Variants in NEU4 observed in about 807,000 individuals in gnomAD.
NEU4 encodes the protein sialidase-4.
In NEU4, 7 loss-of-function variants were observed where a neutral mutation model predicts 9.9. The ratio of observed to expected loss-of-function variants is 0.71; its 90% CI spans 0.40 to 1.33. The LOEUF is 1.33. Among genes scored for constraint, NEU4 ranks in the 40% most tolerant of loss-of-function variants. The pLI, the probability that NEU4 is intolerant of heterozygous loss-of-function variation, is 0.01. For missense variants in NEU4, 717 were observed against 712.6 expected, an observed-to-expected ratio of 1.01 and a Z score of -0.07; for synonymous variants, 348 against 316.9, an observed-to-expected ratio of 1.10 and a Z score of -1.04.
intron 1 of NEU4, chr2:241,811,040 A>C: frequency 1.9e-6 from 2 of 1,078,216 alleles, no homozygotes. Context: ...GCACCCGGGA[A>C]GCCCAGAGGA....
chr2:241,811,481 A>AC (rs759280914), intron 1 of NEU4: 1 of 1,528,750 alleles, frequency 6.5e-7, no homozygotes, highest in Non-Finnish European at 8.9e-7. Context: ...TGCCCTTTGC[A>AC]CCCCCAGCAC....
intron 3 of NEU4, chr2:241,815,630 C>T (rs974774771): frequency 5.3e-5 from 27 of 509,260 alleles, no homozygotes; most frequent in African/African-American, 4.6e-4. Context: ...ACTCCCTTCT[C>T]ACCCTGCCCA....
chr2:241,815,022 AG>A lies in NEU4; in HGVS notation c.334del (p.Ala112ProfsTer211). On this transcript the variant is annotated frameshift_variant, in exon 3 of 4. Coordinates refer to ENST00000407683, the MANE Select transcript of NEU4 (RefSeq NM_001167600.3). LOFTEE classifies it high-confidence loss of function. ...FFIAVLGHTP[E>X]AVQIATGRNA... Reference sequence around the variant, plus strand: ...ATCGCGGTGCTGGGCCACACGCCTGAGGCCGTGCAGATCGCCACGGGAAGGA... The same window carrying A: ...ATCGCGGTGCTGGGCCACACGCCTGAGCCGTGCAGATCGCCACGGGAAGGA... The A allele has an allele frequency of 5.0e-6, 8 of 1,603,036 alleles. No individual in the cohort carries two copies. Among genetic ancestry groups the A allele is most frequent in the Non-Finnish European group, 6.8e-6 (8 of 1,178,620 alleles).
chr2:241,813,521 C>G (rs1285188181), intron 1 of NEU4: 4 of 1,224,404 alleles, frequency 3.3e-6, no homozygotes, highest in Non-Finnish European at 4.2e-6. Context: ...CAGGCAGGTC[C>G]CGCCTGCAAC....
rs372998493 is a variant in NEU4 at position 241,816,076 on chromosome 2, C to T, written c.483C>T (p.Pro161=). ...VQDWATFAVG[P]GHGVQLPSGR... is the part of the protein sequence containing the mutation. ...ACTGGGCCACATTCGCTGTGGGTCC[C>T]GGCCACGGTGTGCAGCTGCCCTCAG... Residue 161 remains proline, a synonymous_variant, in exon 4 of 4, where the codon CCC becomes CCT. Coordinates refer to ENST00000407683, the MANE Select transcript of NEU4 (RefSeq NM_001167600.3). The T allele has an allele frequency of 2.6e-5, 42 of 1,608,026 alleles. No homozygotes were observed. Among genetic ancestry groups the T allele is most frequent in the African/African-American group, 1.9e-4 (14 of 74,816 alleles).
chr2:241,809,619 T>G, intron 1 of NEU4: 1 of 264,468 alleles, frequency 3.8e-6, no homozygotes, highest in Non-Finnish European at 7.4e-6. Flanking sequence ...CCGTGGGCCA[T>G]GGGGTGACAG....
Position 241,816,706 on chromosome 2 carries a change from G to A in NEU4, c.1113G>A (p.Pro371=), listed in dbSNP as rs570038056. Reference sequence around the variant, plus strand: ...CACTCCCCATGCCCTTTGCTGCCCCGCCCCAGAGCCCCACGTGGCTGCTGT... The same window carrying A: ...CACTCCCCATGCCCTTTGCTGCCCCACCCCAGAGCCCCACGTGGCTGCTGT... The part of the protein sequence containing the change: ...TLALPMPFAA[P]PQSPTWLLYS... The change falls in exon 4 of 4, where the codon CCG becomes CCA. Residue 371 remains proline (P), a synonymous_variant. Transcript: ENST00000407683. 40 of 1,535,600 alleles carry A rather than the reference G, an allele frequency of 2.6e-5. No individual in the cohort carries two copies. In the South Asian group the frequency reaches 2.6e-4, roughly 10 times the overall value.
Position 241,815,004 on chromosome 2 carries a change from T to A in NEU4, c.314T>A (p.Val105Glu). The A allele has an allele frequency of 6.2e-7, 1 of 1,606,840 alleles. No individual in the cohort carries two copies. The highest frequency in any genetic ancestry group is 1.1e-5 in the South Asian group (1 of 90,778). ...ACCGTCTTCCTCTTCTTCATCGCGG[T>A]GCTGGGCCACACGCCTGAGGCCGTG... ...TGTVFLFFIA[V>E]LGHTPEAVQI... is the part of the protein sequence containing the mutation. Residue 105 changes from valine (V) to glutamate (E), a missense_variant, in exon 3 of 4, where the codon GTG becomes GAG. By Grantham distance (121) the Val-to-Glu change is moderately radical. Transcript: ENST00000407683.
At chr2:241,815,514 C>T (rs965935647) in intron 3 of NEU4, 7 of 508,586 alleles carry the variant, frequency 1.4e-5, no homozygotes, top group Admixed American at 1.2e-4. Flanking sequence ...TCTCTCTCAT[C>T]CCCCCCGCTA....
chr2:241,814,541 C>CCT lies in NEU4; in HGVS notation c.58_59dup (p.Thr21Ter), dbSNP rs753870490. On this transcript the variant is annotated frameshift_variant, in exon 2 of 4. Transcript: ENST00000407683. LOFTEE classifies it high-confidence loss of function. ...TGCTCTTCGAGCGGGAGAGGACGGGCCTGACCTACCGCGTGCCCTCGCTGC... is the reference window on the plus strand; with the variant it reads ...TGCTCTTCGAGCGGGAGAGGACGGGCCTCTGACCTACCGCGTGCCCTCGCTGC... 268 of 1,612,592 alleles carry CCT rather than the reference C, an allele frequency of 1.7e-4. 1 individual carries two copies. Among genetic ancestry groups the CCT allele is most frequent in the Non-Finnish European group, 1.2e-4 (136 of 1,179,930 alleles).
Position 241,815,087 on chromosome 2 carries a change from G to A in NEU4, c.397G>A (p.Gly133Ser), listed in dbSNP as rs373747097. Residue 133 changes from glycine (G) to serine (S), a missense_variant, in exon 3 of 4, where the codon GGC becomes AGC. Physicochemically the swap from Gly to Ser is moderately conservative, Grantham distance 56. Coordinates refer to ENST00000407683, the MANE Select transcript of NEU4 (RefSeq NM_001167600.3). ...RLCCVASRDA[G>S]LSWGSARDLT... The stretch of plus-strand genomic sequence containing the variant: ...CTGCTGTGTGGCCAGCCGTGACGCC[G>A]GCCTCTCGTGGGGCAGCGCCCGGGA... The A allele has an allele frequency of 3.0e-5, 47 of 1,579,092 alleles. No homozygotes were observed. Among genetic ancestry groups the A allele is most frequent in the Admixed American group, 3.5e-5 (2 of 57,572 alleles).
Position 241,816,658 on chromosome 2 carries a change from G to T in NEU4, c.1065G>T (p.Gly355=). 2.0e-6 allele frequency: 3 copies of T among 1,533,814 alleles called. No homozygotes were observed. The change falls in exon 4 of 4, where the codon GGG becomes GGT. Residue 355 remains glycine (G), a synonymous_variant. Coordinates refer to ENST00000407683, the MANE Select transcript of NEU4 (RefSeq NM_001167600.3). ...CTGGCCCCAGGCCTGGGGTCAGTGG[G>T]GATGTGGGGTCCTGGACCCTGGCAC... The part of the protein sequence containing the change: ...RQPGPRPGVS[G]DVGSWTLALP...
intron 1 of NEU4, among the ~76,000 whole-genome samples, chr2:241,812,524 T>C (rs1056002698): frequency 0.038 from 2,187 of 57,232 alleles, 81 homozygotes; most frequent in African/African-American, 0.094. Flanking sequence ...AGGGAACTGG[T>C]CACACTGAGG....
intron 1 of NEU4, chr2:241,811,358 G>A: frequency 2.1e-6 from 3 of 1,461,106 alleles, no homozygotes; most frequent in Non-Finnish European, 1.8e-6. Flanking sequence ...CTGAGACGTG[G>A]CCAGCTCCCT....
chr2:241,817,283 A>C lies in NEU4; in HGVS notation c.*235A>C. ...GGGGGCACGAAGTGGGCCCTGGGTG[A>C]CCCCCACAGCTCCCTTCCGAGGCTG... On this transcript the variant is annotated 3_prime_UTR_variant, in exon 4 of 4. Coordinates refer to ENST00000407683, the MANE Select transcript of NEU4 (RefSeq NM_001167600.3). 1.9e-6 allele frequency: 1 copy of C among 516,300 alleles called. No individual in the cohort carries two copies. Among genetic ancestry groups the C allele is most frequent in the Non-Finnish European group, 3.3e-6 (1 of 300,854 alleles). The allele number at this position is 516,300 out of a possible 1,614,324, so 32.0% of individuals were successfully genotyped here.
chr2:241,809,342 G>C, intron 1 of NEU4, 68 bp downstream of exon 1: 1 of 910,934 alleles, frequency 1.1e-6, no homozygotes, highest in Non-Finnish European at 1.5e-6. Flanking sequence ...GTTTGCAGTA[G>C]AGAGTGTTGA....
chr2:241,814,443 G>A (rs750958252), intron 1 of NEU4, 39 bp from the exon 2 acceptor site: 7 of 1,585,212 alleles, frequency 4.4e-6, no homozygotes, highest in South Asian at 1.1e-5. Flanking sequence ...GGCTCCCTGG[G>A]CCTGTCTTGC....
In NEU4 at chr2:241,816,310, C is replaced by T; in HGVS notation, c.717C>T (p.Cys239=). The T allele has an allele frequency of 1.3e-6, 2 of 1,576,798 alleles. No individual in the cohort carries two copies. The highest frequency in any genetic ancestry group is 1.7e-6 in the Non-Finnish European group (2 of 1,163,114). The change falls in exon 4 of 4, where the codon TGC becomes TGT. Residue 239 remains cysteine (C), a synonymous_variant. Coordinates refer to ENST00000407683, the MANE Select transcript of NEU4 (RefSeq NM_001167600.3). ...DGGQAGSFLY[C]NARSPLGSRV... ...GGCAGGCCGGCAGCTTCCTCTACTGCAATGCCCGGAGCCCACTGGGCAGCC... is the reference window on the plus strand; with the variant it reads ...GGCAGGCCGGCAGCTTCCTCTACTGTAATGCCCGGAGCCCACTGGGCAGCC...
Position 241,816,560 on chromosome 2 carries a change from GA to G in NEU4, c.968del (p.Asp323AlafsTer74). 6.2e-7 allele frequency: 1 copy of G among 1,609,992 alleles called. No individual in the cohort carries two copies. The highest frequency in any genetic ancestry group is 1.7e-5 in the Admixed American group (1 of 59,626). On this transcript the variant is annotated frameshift_variant, in exon 4 of 4. Transcript: ENST00000407683. LOFTEE classifies it low-confidence loss of function (END_TRUNC). Reference sequence around the variant, plus strand: ...CGAACCCCCAGAGGAGGCTGCTGTAGACCCCCGTGGAGGCCAGGTGCCTGGT... The same window carrying G: ...CGAACCCCCAGAGGAGGCTGCTGTAGCCCCCGTGGAGGCCAGGTGCCTGGT... ...VHEPPEEAAVDPRGGQVPGGP... is the reference protein window; with the variant it reads ...VHEPPEEAAVXPRGGQVPGGP...
Sources: allele counts gnomAD v4.1 joint callset (sites outside exome capture counted in the v4.1 genomes callset), GRCh38; gene constraint gnomAD v4.1.1; transcripts MANE v1.5; gene names NCBI Gene and HGNC (gene_info 2026-07-23, HGNC 2026-07-21).